Variants in ASTN1 observed in about 807,000 individuals in gnomAD.
ASTN1 encodes astrotactin-1.
ASTN1 carries 41 observed loss-of-function variants against 140.7 expected under a neutral mutation model. That is an observed-to-expected ratio of 0.29 (90% CI 0.23 to 0.38). ASTN1 has a LOEUF of 0.38. Ranked by LOEUF, ASTN1 falls within the 10% of genes least tolerant of loss-of-function variation. The pLI is 1.00. For missense variants in ASTN1, 1,479 were observed against 1,678.8 expected (o/e 0.88, Z 2.08); for synonymous variants, 640 against 652.2 (o/e 0.98, Z 0.29).
intron 22 of ASTN1, among the ~76,000 whole-genome samples, chr1:176,866,653 A>AAATAATAATAAT (rs61332732): frequency 3.3e-5 from 5 of 152,066 alleles, no homozygotes; most frequent in African/African-American, 1.2e-4. Context: ...TGCTCACTTT[A>AAATAATAATAAT]AATAATAATA....
At chr1:177,095,992 C>G (rs1038892994) in intron 1 of ASTN1, among the ~76,000 whole-genome samples, 29 of 152,324 alleles carry the variant, frequency 1.9e-4, no homozygotes, top group African/African-American at 6.5e-4. Flanking sequence ...AAAGACTATT[C>G]TGGAGACTTA....
At chr1:177,073,509 C>G (rs1459593217) in intron 1 of ASTN1, among the ~76,000 whole-genome samples, 1 of 150,198 alleles carries the variant, frequency 6.7e-6, no homozygotes, top group Non-Finnish European at 1.5e-5. Flanking sequence ...GGATCACATT[C>G]CTCTCTTAGT....
chr1:177,017,265 G>A (rs1441417475), intron 7 of ASTN1, among the ~76,000 whole-genome samples: 1 of 152,188 alleles, frequency 6.6e-6, no homozygotes, highest in Non-Finnish European at 1.5e-5. Context: ...AATGGCAGAT[G>A]CAGCCCAAAG....
intron 1 of ASTN1, among the ~76,000 whole-genome samples, chr1:177,161,779 G>T (rs1647387134): frequency 6.6e-6 from 1 of 152,072 alleles, no homozygotes; most frequent in African/African-American, 2.4e-5. Context: ...TCAAAGGAGT[G>T]ACAGGATCTG....
chr1:177,078,911 C>T (rs1331766184), intron 1 of ASTN1, among the ~76,000 whole-genome samples: 1 of 152,104 alleles, frequency 6.6e-6, no homozygotes, highest in Non-Finnish European at 1.5e-5. Context: ...AAATATCCTA[C>T]TTCTAAAGGG....
At chr1:177,045,262 G>A (rs1048043178) in intron 2 of ASTN1, among the ~76,000 whole-genome samples, 3 of 152,146 alleles carry the variant, frequency 2.0e-5, no homozygotes, top group African/African-American at 7.2e-5. Flanking sequence ...TGGACTTGCA[G>A]GCAGAGACCA....
chr1:176,934,132 C>T lies in ASTN1; in HGVS notation c.2671+20G>A. On this transcript the variant is annotated intron_variant, in intron 16 of 22. Transcript: ENST00000361833. Reference sequence around the variant, plus strand: ...GTACTGGCATGAGGTATGGAATTTGCCAACAAGCATGCCACTCACCTTTAC... The same window carrying T: ...GTACTGGCATGAGGTATGGAATTTGTCAACAAGCATGCCACTCACCTTTAC... 13 of 1,589,762 alleles carry T rather than the reference C, an allele frequency of 8.2e-6. No homozygotes were observed. Among genetic ancestry groups the T allele is most frequent in the Non-Finnish European group, 1.1e-5 (13 of 1,161,382 alleles).
intron 17 of ASTN1, among the ~76,000 whole-genome samples, chr1:176,889,267 G>T (rs1330352249): frequency 1.3e-5 from 2 of 152,204 alleles, no homozygotes; most frequent in African/African-American, 4.8e-5. Flanking sequence ...GGGAGGGAGA[G>T]GGTGGGACTG....
intron 15 of ASTN1, 75 bp from the exon 16 acceptor site, chr1:176,934,415 C>T: frequency 7.0e-7 from 1 of 1,422,388 alleles, no homozygotes; most frequent in Non-Finnish European, 9.5e-7. Context: ...GCAATTCAGT[C>T]CCAAACATGG....
intron 1 of ASTN1, among the ~76,000 whole-genome samples, chr1:177,140,846 T>C (rs1256716135): frequency 2.0e-5 from 3 of 152,212 alleles, no homozygotes; most frequent in African/African-American, 4.8e-5. Flanking sequence ...GGATGTATTT[T>C]TTTCTCTCAC....
At chr1:177,035,683 T>G (rs893352960) in intron 2 of ASTN1, among the ~76,000 whole-genome samples, 3 of 152,184 alleles carry the variant, frequency 2.0e-5, no homozygotes, top group South Asian at 2.1e-4. Flanking sequence ...AGGGACCCAT[T>G]GCATATCTAT....
At chr1:177,011,077 C>A (rs971231647) in intron 8 of ASTN1, among the ~76,000 whole-genome samples, 2 of 152,172 alleles carry the variant, frequency 1.3e-5, no homozygotes, top group Admixed American at 1.3e-4. Context: ...TTACCAGCCT[C>A]TTATCCTCTC....
At chr1:177,003,917 A>G (rs1466393810) in intron 8 of ASTN1, among the ~76,000 whole-genome samples, 3 of 152,194 alleles carry the variant, frequency 2.0e-5, no homozygotes, top group Admixed American at 6.5e-5. Flanking sequence ...CTGGAACAAG[A>G]CAAGTATTCC....
At chr1:177,097,961 A>G (rs1571779090) in intron 1 of ASTN1, among the ~76,000 whole-genome samples, 1 of 151,984 alleles carries the variant, frequency 6.6e-6, no homozygotes, top group Non-Finnish European at 1.5e-5. Context: ...ATCTTCCCCC[A>G]CCCCATACCC....
In ASTN1 at chr1:176,863,355, C is replaced by T; in HGVS notation, c.*929G>A. The T allele has an allele frequency of 1.0e-6, 1 of 985,854 alleles. No homozygotes were observed. Among genetic ancestry groups the T allele is most frequent in the Non-Finnish European group, 1.2e-6 (1 of 829,948 alleles). The allele number at this position is 985,854 out of a possible 1,614,324, so 61.1% of individuals were successfully genotyped here. ...CAATCAGACATCGGCCAAGCCTTAC[C>T]TGTCCAAGGTAAGAGGTGTGGGGGT... On this transcript the variant is annotated 3_prime_UTR_variant, in exon 23 of 23. Transcript: ENST00000361833.
At chr1:176,867,610 A>G (rs1027041967) in intron 22 of ASTN1, among the ~76,000 whole-genome samples, 5 of 152,350 alleles carry the variant, frequency 3.3e-5, no homozygotes, top group Admixed American at 3.3e-4. Context: ...CTTTATAAAC[A>G]GGAAATTATT....
chr1:177,050,015 C>T (rs909597932), intron 2 of ASTN1, among the ~76,000 whole-genome samples: 1 of 152,220 alleles, frequency 6.6e-6, no homozygotes, highest in African/African-American at 2.4e-5. Context: ...GATGCTTTAA[C>T]ATCATAGTTG....
intron 17 of ASTN1, among the ~76,000 whole-genome samples, chr1:176,894,152 C>T (rs1334558042): frequency 6.6e-6 from 1 of 152,106 alleles, no homozygotes; most frequent in Non-Finnish European, 1.5e-5. Context: ...TGCAGCTGGG[C>T]CAGGCTAAGG....
intron 13 of ASTN1, among the ~76,000 whole-genome samples, chr1:176,945,687 G>A (rs543480360): frequency 1.3e-5 from 2 of 152,182 alleles, no homozygotes; most frequent in African/African-American, 2.4e-5. Flanking sequence ...TCCAGTCCCT[G>A]CCTGGGCAAA....
Sources: gnomAD v4.1 joint callset for allele counts (sites outside exome capture counted in the v4.1 genomes callset) on GRCh38, gnomAD v4.1.1 for gene constraint, MANE v1.5 for transcripts, NCBI Gene and HGNC (gene_info 2026-07-23, HGNC 2026-07-21) for gene names.